DNAH11: variants seen among roughly 807,000 people sequenced by gnomAD.
DNAH11 encodes the protein dynein axonemal heavy chain 11.
Under a neutral mutation model 526.0 loss-of-function variants are expected in DNAH11, and 442 were observed. That is an observed-to-expected ratio of 0.84 (90% CI 0.78 to 0.91). The LOEUF (loss-of-function observed/expected upper bound fraction) is 0.91, where lower values mean the gene tolerates loss of function less well. Ranked by LOEUF, DNAH11 falls within the 40% of genes least tolerant of loss-of-function variation. The pLI, the probability that DNAH11 is intolerant of heterozygous loss-of-function variation, is 0.00. For synonymous variants in DNAH11, 2,461 were observed against 1,935.9 expected, an observed-to-expected ratio of 1.27 and a Z score of -7.12; for missense variants, 6,989 against 5,448.7, an observed-to-expected ratio of 1.28 and a Z score of -8.90.
At chr7:21,590,866 T>C (rs895266985) in intron 12 of DNAH11, 52 bp from the exon 13 acceptor site, 2 of 1,099,656 alleles carry the variant, frequency 1.8e-6, no homozygotes, top group East Asian at 6.3e-5. Context: ...TGAGTTAAAA[T>C]AGAATGACAT....
At chr7:21,826,627 G>T (rs1483787626) in intron 65 of DNAH11, among the ~76,000 whole-genome samples, 5 of 150,456 alleles carry the variant, frequency 3.3e-5, no homozygotes, top group African/African-American at 9.8e-5. Flanking sequence ...GACTATCTCT[G>T]TGTAACCTGT....
At chr7:21,672,916 A>G (rs1015760209) in intron 30 of DNAH11, among the ~76,000 whole-genome samples, 2 of 152,180 alleles carry the variant, frequency 1.3e-5, no homozygotes, top group Admixed American at 6.6e-5. Flanking sequence ...ATTGTCCTAC[A>G]TGGTGAACCC....
At chr7:21,675,911 G>A (rs987712548) in intron 30 of DNAH11, among the ~76,000 whole-genome samples, 1 of 152,110 alleles carries the variant, frequency 6.6e-6, no homozygotes, top group Non-Finnish European at 1.5e-5. Flanking sequence ...GAATGGCCAG[G>A]GAAGGCCAAT....
chr7:21,797,925 G>T (rs1045017922), intron 61 of DNAH11, among the ~76,000 whole-genome samples: 1 of 152,182 alleles, frequency 6.6e-6, no homozygotes, highest in Non-Finnish European at 1.5e-5. Context: ...TGAATGTGCT[G>T]TGCCATATTT....
At chr7:21,618,533 A>G (rs780907448) in intron 23 of DNAH11, 31 of 156,964 alleles carry the variant, frequency 2.0e-4, no homozygotes, top group African/African-American at 3.1e-4. Context: ...AGGAGAGTCA[A>G]TGTGAGAGAA....
intron 38 of DNAH11, 80 bp downstream of exon 38, chr7:21,704,708 G>T: frequency 6.8e-7 from 1 of 1,469,484 alleles, no homozygotes; most frequent in Non-Finnish European, 9.1e-7. Context: ...ACTAAAGCAA[G>T]ATGTTAACTT....
In DNAH11 at chr7:21,599,851, T is replaced by A. The variant is rs746755614; in HGVS notation, c.2732T>A (p.Ile911Asn). ...ACCTGGAAAATTTATGTAGAATTCA[T>A]TGACGACATTGTGGTGGAAGGCTTT... ...LDTWKIYVEF[I>N]DDIVVEGFFQ... Residue 911 changes from isoleucine to asparagine, a missense_variant, in exon 15 of 82, where the codon ATT becomes AAT. Ile to Asn is a moderately radical substitution (Grantham distance 149). Coordinates refer to ENST00000409508, the MANE Select transcript of DNAH11 (RefSeq NM_001277115.2). The A allele has an allele frequency of 1.9e-6, 3 of 1,604,472 alleles. No individual in the cohort carries two copies. The highest frequency in any genetic ancestry group is 2.6e-6 in the Non-Finnish European group (3 of 1,173,654).
chr7:21,611,847 A>G (rs17746353), intron 20 of DNAH11, among the ~76,000 whole-genome samples: 8,726 of 152,282 alleles, frequency 0.057, 284 homozygotes, highest in African/African-American at 0.087. Context: ...TTTACCACCA[A>G]TAAACCATTA....
intron 65 of DNAH11, among the ~76,000 whole-genome samples, chr7:21,826,490 T>C (rs939191898): frequency 3.9e-5 from 6 of 152,204 alleles, no homozygotes; most frequent in Non-Finnish European, 5.9e-5. Context: ...TGCAGTGTTA[T>C]AACAAGAACA....
chr7:21,745,898 A>G (rs1253324821), intron 51 of DNAH11, among the ~76,000 whole-genome samples: 1 of 152,226 alleles, frequency 6.6e-6, no homozygotes, highest in Non-Finnish European at 1.5e-5. Flanking sequence ...GAGGAAGAAC[A>G]TTCTAGACAG....
chr7:21,861,038 A>G (rs1289447297), intron 68 of DNAH11, among the ~76,000 whole-genome samples: 2 of 152,208 alleles, frequency 1.3e-5, no homozygotes, highest in Non-Finnish European at 2.9e-5. Context: ...TATGGGAGCT[A>G]TAATTCAAGA....
At chr7:21,774,702 T>G (rs947713563) in intron 56 of DNAH11, among the ~76,000 whole-genome samples, 1 of 152,168 alleles carries the variant, frequency 6.6e-6, no homozygotes, top group African/African-American at 2.4e-5. Flanking sequence ...TAGACCCAGG[T>G]CTGTGTTGCT....
At chr7:21,692,943 A>G (rs1261138135) in intron 35 of DNAH11, among the ~76,000 whole-genome samples, 3 of 152,154 alleles carry the variant, frequency 2.0e-5, no homozygotes, top group African/African-American at 4.8e-5. Flanking sequence ...CCTCTTTTAC[A>G]TACTTATTGT....
chr7:21,888,643 C>G (rs2128045776), intron 76 of DNAH11, among the ~76,000 whole-genome samples: 1 of 152,202 alleles, frequency 6.6e-6, no homozygotes, highest in South Asian at 2.1e-4. Flanking sequence ...GCATGTGCCA[C>G]CACGCTGGGC....
At chr7:21,674,099 G>A (rs1386304937) in intron 30 of DNAH11, among the ~76,000 whole-genome samples, 4 of 151,014 alleles carry the variant, frequency 2.6e-5, no homozygotes, top group African/African-American at 4.9e-5. Context: ...TCACCCTGTC[G>A]CCCAGGCTGG....
chr7:21,658,639 A>G (rs936937574), intron 29 of DNAH11, among the ~76,000 whole-genome samples, 159 bp from the exon 30 acceptor site: 2 of 152,100 alleles, frequency 1.3e-5, no homozygotes, highest in African/African-American at 4.8e-5. Context: ...TCCGTTGTTC[A>G]CTTTCCCCTT....
chr7:21,765,059 A>T (rs17145312), intron 54 of DNAH11, among the ~76,000 whole-genome samples: 2 of 152,166 alleles, frequency 1.3e-5, no homozygotes, highest in Admixed American at 6.5e-5. Flanking sequence ...GAAACAGAAG[A>T]TGAAAACATT....
intron 2 of DNAH11, among the ~76,000 whole-genome samples, chr7:21,555,552 A>G (rs1248963828): frequency 1.3e-5 from 2 of 152,216 alleles, no homozygotes; most frequent in East Asian, 1.9e-4. Context: ...GAACAGAACT[A>G]TGGATTGGGA....
chr7:21,835,033 G>C (rs147344063), intron 65 of DNAH11, among the ~76,000 whole-genome samples: 8 of 152,102 alleles, frequency 5.3e-5, no homozygotes, highest in African/African-American at 1.9e-4. Flanking sequence ...TAAATTCCTA[G>C]ACATGTATAA....
Sources: allele counts gnomAD v4.1 joint callset (sites outside exome capture counted in the v4.1 genomes callset), GRCh38; gene constraint gnomAD v4.1.1; transcripts MANE v1.5; gene names NCBI Gene and HGNC (gene_info 2026-07-23, HGNC 2026-07-21).